The following LMOD3 variants were observed in gnomAD, a reference collection of about 807,000 sequenced individuals.
LMOD3 encodes leiomodin-3.
Under a neutral mutation model 41.8 loss-of-function variants are expected in LMOD3, and 31 were observed. The ratio of observed to expected loss-of-function variants is 0.74; its 90% CI spans 0.56 to 1.00. The LOEUF (loss-of-function observed/expected upper bound fraction) is 1.00. Among genes scored for constraint, LMOD3 ranks in the 50% least tolerant of loss-of-function variants. The pLI is 0.00. For missense variants in LMOD3, 755 were observed against 679.5 expected, an observed-to-expected ratio of 1.11 and a Z score of -1.23; for synonymous variants, 292 against 241.9, an observed-to-expected ratio of 1.21 and a Z score of -1.92.
chr3:69,106,693 ATTT>A lies in LMOD3; in HGVS notation c.*2399_*2401del, dbSNP rs373817195. On this transcript the variant is annotated 3_prime_UTR_variant, in exon 3 of 3. Coordinates refer to ENST00000420581, the MANE Select transcript of LMOD3 (RefSeq NM_198271.5). ...AACAAATGCATAGGGGCTTTCTAGA[ATTT>A]TTTTTTTTTTTTTGAGATGAGGTTT... Among the ~76,000 whole-genome samples the A allele has an allele frequency of 6.5e-5, 9 of 137,714 alleles. No homozygotes were observed. The highest frequency in any genetic ancestry group is 1.9e-4 in the African/African-American group (7 of 36,922). The allele number at this position is 137,714 out of a possible 152,430, so 90.3% of individuals were successfully genotyped here. A position where few individuals can be genotyped will look rare whatever the true frequency, so the allele number is the denominator to read the frequency against.
Position 69,108,821 on chromosome 3 carries a change from A to G in LMOD3, c.*274T>C, listed in dbSNP as rs2092334788. 2.9e-6 allele frequency: 1 copy of G among 348,390 alleles called. No individual in the cohort carries two copies. The highest frequency in any genetic ancestry group is 5.1e-6 in the Non-Finnish European group (1 of 195,406). 21.6% of individuals were successfully genotyped at this position (348,390 alleles called of 1,614,324 possible). On this transcript the variant is annotated 3_prime_UTR_variant, in exon 3 of 3. Transcript: ENST00000420581. Reference sequence around the variant, plus strand: ...TTCTTTAACTTCTGCTTCGGGAAATATGACTCTAAATTTCACCTGAGTCAC... The same window carrying G: ...TTCTTTAACTTCTGCTTCGGGAAATGTGACTCTAAATTTCACCTGAGTCAC...
chr3:69,111,535 A>G (rs2092350161), intron 2 of LMOD3, among the ~76,000 whole-genome samples: 1 of 152,256 alleles, frequency 6.6e-6, no homozygotes, highest in Non-Finnish European at 1.5e-5. Context: ...ATTTGTTTAT[A>G]TATGCATGGA....
chr3:69,117,248 G>T (rs1027044561), intron 2 of LMOD3, among the ~76,000 whole-genome samples: 1 of 152,202 alleles, frequency 6.6e-6, no homozygotes, highest in East Asian at 1.9e-4. Flanking sequence ...AGTCAGCTTT[G>T]ATTTAGAAGA....
In LMOD3 at chr3:69,119,214, C is replaced by T; in HGVS notation, c.1141G>A (p.Gly381Ser). 11 of 1,613,942 alleles carry T rather than the reference C, an allele frequency of 6.8e-6. No homozygotes were observed. The highest frequency in any genetic ancestry group is 9.3e-6 in the Non-Finnish European group (11 of 1,179,882). Residue 381 changes from glycine (G) to serine (S), a missense_variant, in exon 2 of 3, where the codon GGT becomes AGT. Physicochemically the swap from Gly to Ser is moderately conservative, Grantham distance 56 (BLOSUM62 0). Coordinates refer to ENST00000420581, the MANE Select transcript of LMOD3 (RefSeq NM_198271.5). Reference protein sequence around the residue: ...LKMGYHFELPGPRMVVTNLLT... With the variant: ...LKMGYHFELPSPRMVVTNLLT... ...AGATTAGTGACCACCATTCTGGGAC[C>T]CGGAAGCTCAAAATGGTAGCCCATC... is the stretch of plus-strand genomic sequence containing the variant.
Position 69,119,480 on chromosome 3 carries a change from A to T in LMOD3, c.875T>A (p.Val292Glu). The change falls in exon 2 of 3, where the codon GTG becomes GAG. Residue 292 changes from valine to glutamate, a missense_variant. Val to Glu is a moderately radical substitution (Grantham distance 121). Coordinates refer to ENST00000420581, the MANE Select transcript of LMOD3 (RefSeq NM_198271.5). ...AAATGCTACATTCTCATCTGCACCC[A>T]CATTGGCTAAACTGAATGTTTTGAT... is the stretch of plus-strand genomic sequence containing the variant. ...KHIKTFSLAN[V>E]GADENVAFAL... 6.2e-7 allele frequency: 1 copy of T among 1,613,968 alleles called. No homozygotes were observed.
intron 2 of LMOD3, among the ~76,000 whole-genome samples, chr3:69,110,853 A>AAAAAAAAAAAAAAAAAAAAAAATTATAT (rs1458630453): frequency 9.6e-6 from 1 of 104,168 alleles, no homozygotes; most frequent in Non-Finnish European, 1.8e-5. Context: ...AAAAAAAAAA[A>AAAAAAAAAAAAAAAAAAAAAAATTATAT]ATATATATAT....
chr3:69,121,543 T>C (rs2107527755), intron 1 of LMOD3, among the ~76,000 whole-genome samples: 1 of 152,350 alleles, frequency 6.6e-6, no homozygotes, highest in East Asian at 1.9e-4. Context: ...TTAATAGCCA[T>C]CGATTTCTAA....
chr3:69,110,594 G>A (rs2092344249), intron 2 of LMOD3, among the ~76,000 whole-genome samples: 2 of 149,316 alleles, frequency 1.3e-5, no homozygotes, highest in South Asian at 2.2e-4. Context: ...TGTAATTCCA[G>A]CACTTTGGGA....
At position 69,107,314 on chromosome 3, in the gene LMOD3, T is replaced by A. The variant is rs2092326886; in HGVS notation, c.*1781A>T. On this transcript the variant is annotated 3_prime_UTR_variant, in exon 3 of 3. Coordinates refer to ENST00000420581, the MANE Select transcript of LMOD3 (RefSeq NM_198271.5). ...GCTTGTCTTTCCAAATAATGTGTTGTTTTTAAGTCTGTCACAATTAGACCT... is the reference window on the plus strand; with the variant it reads ...GCTTGTCTTTCCAAATAATGTGTTGATTTTAAGTCTGTCACAATTAGACCT... 1 of 151,976 alleles carries A rather than the reference T, an allele frequency of 6.6e-6. No homozygotes were observed. The highest frequency in any genetic ancestry group is 6.6e-5 in the Admixed American group (1 of 15,238). The allele number at this position is 151,976 out of a possible 1,614,324, so 9.4% of individuals were successfully genotyped here.
At chr3:69,117,832 G>GTTTTT (rs2092382621) in intron 2 of LMOD3, among the ~76,000 whole-genome samples, 1 of 141,752 alleles carries the variant, frequency 7.1e-6, no homozygotes, top group Non-Finnish European at 1.5e-5. Flanking sequence ...CAATTTGGGT[G>GTTTTT]GTTTTTTTTT....
intron 2 of LMOD3, among the ~76,000 whole-genome samples, chr3:69,114,024 G>T (rs956776165): frequency 6.6e-6 from 1 of 152,010 alleles, no homozygotes; most frequent in Non-Finnish European, 1.5e-5. Flanking sequence ...AACAACAAGA[G>T]CATAATAAAA....
chr3:69,118,631 G>C, intron 2 of LMOD3, 68 bp downstream of exon 2: 2 of 1,493,984 alleles, frequency 1.3e-6, no homozygotes, highest in South Asian at 1.3e-5. Flanking sequence ...AAAACAGAGA[G>C]GGAATAAAGT....
chr3:69,122,011 T>C lies in LMOD3; in HGVS notation c.294+82A>G, dbSNP rs541194257. 2.8e-4 allele frequency: 325 copies of C among 1,173,060 alleles called. 1 individual carries two copies. Among genetic ancestry groups the C allele is most frequent in the South Asian group, 2.4e-3 (153 of 64,724 alleles). The allele number at this position is 1,173,060 out of a possible 1,614,324, so 72.7% of individuals were successfully genotyped here. ...AAAGCAGAACCAAACCCTGGAGTCT[T>C]GAGAAATCACAGTTACAACAGAGAG... On this transcript the variant is annotated intron_variant, in intron 1 of 2. Transcript: ENST00000420581.
rs767465365 is a variant in LMOD3, at chr3:69,119,507, T to C, written c.848A>G (p.His283Arg). 6.2e-6 allele frequency: 10 copies of C among 1,614,006 alleles called. No individual in the cohort carries two copies. Among genetic ancestry groups the C allele is most frequent in the African/African-American group, 1.3e-5 (1 of 75,070 alleles). ...ATTGGCTAAACTGAATGTTTTGATG[T>C]GCTTGTTTTTCTTCATTGCATTGAC... is the stretch of plus-strand genomic sequence containing the variant. ...DFVNAMKKNKHIKTFSLANVG... is the reference protein window; with the variant it reads ...DFVNAMKKNKRIKTFSLANVG... Residue 283 changes from histidine (H) to arginine (R), a missense_variant, in exon 2 of 3, where the codon CAC (histidine) becomes CGC (arginine). Physicochemically the swap from His to Arg is conservative, Grantham distance 29. Coordinates refer to ENST00000420581, the MANE Select transcript of LMOD3 (RefSeq NM_198271.5).
intron 2 of LMOD3, among the ~76,000 whole-genome samples, chr3:69,110,838 C>CAAAAAAAAAA (rs774402446): frequency 3.0e-5 from 2 of 67,012 alleles, no homozygotes; most frequent in African/African-American, 1.6e-4. Flanking sequence ...GACACCATCT[C>CAAAAAAAAAA]AAAAAAAAAA....
rs2092388077 is a variant in LMOD3 at position 69,118,559 on chromosome 3, C to G, written c.1656+140G>C. 5.5e-6 allele frequency: 5 copies of G among 911,084 alleles called. No homozygotes were observed. The Admixed American group carries it at 1.4e-4, about 26-fold the overall frequency. The allele number at this position is 911,084 out of a possible 1,614,324, so 56.4% of individuals were successfully genotyped here. On this transcript the variant is annotated intron_variant, in intron 2 of 2. Coordinates refer to ENST00000420581, the MANE Select transcript of LMOD3 (RefSeq NM_198271.5). ...CCTTAGGGATAGCAGTAATTTAGTT[C>G]TATTGGTAATGCTCATTGGCTTCCC...
chr3:69,117,744 A>G (rs9824846), intron 2 of LMOD3, among the ~76,000 whole-genome samples: 145,763 of 152,234 alleles, frequency 0.96, 69,849 homozygotes, highest in East Asian at 1. Flanking sequence ...TGCAATTTCG[A>G]ACAGTCTCTC....
intron 2 of LMOD3, among the ~76,000 whole-genome samples, chr3:69,113,908 G>A (rs1008118422): frequency 2.6e-5 from 4 of 152,120 alleles, no homozygotes; most frequent in African/African-American, 7.2e-5. Context: ...ATGTCTTTGT[G>A]TTATCATACG....
chr3:69,110,580 C>T (rs148213190), intron 2 of LMOD3, among the ~76,000 whole-genome samples: 7,532 of 149,654 alleles, frequency 0.05, 270 homozygotes, highest in Non-Finnish European at 0.079. Flanking sequence ...CGGTGGCTGA[C>T]GCCTGTAATT....
Sources: gnomAD v4.1 joint callset for allele counts (sites outside exome capture counted in the v4.1 genomes callset) on GRCh38, gnomAD v4.1.1 for gene constraint, MANE v1.5 for transcripts, NCBI Gene and HGNC (gene_info 2026-07-23, HGNC 2026-07-21) for gene names.